UBE2V1: variants seen among roughly 807,000 people sequenced by gnomAD.
UBE2V1 encodes ubiquitin conjugating enzyme E2 V1.
A neutral mutation model predicts 19.6 loss-of-function variants in UBE2V1; 15 were observed. The ratio of observed to expected loss-of-function variants is 0.77; its 90% CI spans 0.51 to 1.18. The LOEUF is 1.18. UBE2V1 is among the 50% of genes most tolerant of loss of function. UBE2V1 has a pLI of 0.00. For synonymous variants in UBE2V1, 60 were observed against 60.7 expected (o/e 0.99, Z 0.05); for missense variants, 125 against 184.8 (o/e 0.68, Z 1.88).
upstream of UBE2V1, chr20:50,113,295 G>A: frequency 2.1e-6 from 1 of 469,326 alleles, no homozygotes; most frequent in Non-Finnish European, 3.4e-6. Context: ...CCCTTTTAGA[G>A]AAAGGAAATA....
At chr20:50,109,718 C>T (rs1173106713) in intron 1 of UBE2V1, among the ~76,000 whole-genome samples, 1 of 147,768 alleles carries the variant, frequency 6.8e-6, no homozygotes, top group Non-Finnish European at 1.5e-5. Context: ...CACTGCACTC[C>T]AGCCAGGTGA....
intron 2 of UBE2V1, among the ~76,000 whole-genome samples, chr20:50,094,224 AT>A (rs1341242401): frequency 7.2e-6 from 1 of 139,860 alleles, no homozygotes; most frequent in African/African-American, 2.7e-5. Context: ...TAACATATGC[AT>A]TATATAATAT....
At chr20:50,103,786 C>T (rs887956556) in intron 1 of UBE2V1, among the ~76,000 whole-genome samples, 1 of 152,050 alleles carries the variant, frequency 6.6e-6, no homozygotes, top group Non-Finnish European at 1.5e-5. Flanking sequence ...ACCCCGGTCC[C>T]GGTCCCAAAC....
Position 50,081,745 on chromosome 20 carries a change from C to T in UBE2V1, c.*1023G>A, listed in dbSNP as rs540060498. On this transcript the variant is annotated 3_prime_UTR_variant, in exon 4 of 4. Transcript: ENST00000371674. ...ATGTGTGCTTACAAGTATCTTCATG[C>T]GGTCTTTCTCCAAGTTCAACCACCA... The T allele has an allele frequency of 5.0e-5, 11 of 221,530 alleles. No homozygotes were observed. Among genetic ancestry groups the T allele is most frequent in the South Asian group, 1.7e-4 (1 of 5,798 alleles). 13.7% of individuals were successfully genotyped at this position (221,530 alleles called of 1,614,324 possible).
At chr20:50,084,524 T>G (rs560196406) in intron 2 of UBE2V1, 1 of 563,604 alleles carries the variant, frequency 1.8e-6, no homozygotes, top group African/African-American at 1.8e-5. Flanking sequence ...GAGGGACCTG[T>G]TTTTATGTTA....
intron 2 of UBE2V1, among the ~76,000 whole-genome samples, chr20:50,087,328 G>A (rs1458816124): frequency 1.3e-5 from 2 of 150,486 alleles, no homozygotes; most frequent in Non-Finnish European, 2.9e-5. Context: ...CCTGGGAGGT[G>A]GAAGTTGCAG....
chr20:50,111,270 C>G, intron 1 of UBE2V1: 1 of 986,454 alleles, frequency 1.0e-6, no homozygotes, highest in Non-Finnish European at 1.2e-6. Flanking sequence ...ATCACCATAG[C>G]CATTTATGAA....
chr20:50,114,067 A>C (rs75084165), upstream of UBE2V1, among the ~76,000 whole-genome samples: 2,528 of 152,314 alleles, frequency 0.017, 27 homozygotes, highest in Middle Eastern at 0.031. Context: ...GAGGAGGTAG[A>C]GGGAACAGCT....
At position 50,103,709 on chromosome 20, in the gene UBE2V1, CTA is replaced by C. The variant is rs146905872; in HGVS notation, c.23-6891_23-6890del. On this transcript the variant is annotated intron_variant, in intron 1 of 3. Transcript: ENST00000371674. Reference sequence around the variant, plus strand: ...GCATCAGCCATTGCACCCGGCCTGACTATAATAATTTTAAAAGCTATAAAGCT... The same window carrying C: ...GCATCAGCCATTGCACCCGGCCTGACTAATAATTTTAAAAGCTATAAAGCT... Among the ~76,000 whole-genome samples, 1,708 of 152,156 alleles carry C rather than the reference CTA, an allele frequency of 0.011. 101 individuals are homozygous for C. The East Asian group carries it at 0.14, about 13-fold the overall frequency.
intron 3 of UBE2V1, among the ~76,000 whole-genome samples, chr20:50,083,336 G>C (rs1301115895): frequency 6.6e-6 from 1 of 152,230 alleles, no homozygotes; most frequent in Non-Finnish European, 1.5e-5. Flanking sequence ...CCAGTGACAA[G>C]GGCCTGCCAC....
chr20:50,091,256 A>T (rs1241560854), intron 2 of UBE2V1, among the ~76,000 whole-genome samples: 1 of 152,014 alleles, frequency 6.6e-6, no homozygotes, highest in Non-Finnish European at 1.5e-5. Flanking sequence ...CATGTTGGCC[A>T]GGCTGGTCTC....
chr20:50,113,757 C>T (rs1383122556), upstream of UBE2V1, among the ~76,000 whole-genome samples: 5 of 143,190 alleles, frequency 3.5e-5, no homozygotes. Context: ...ATTTGCTAAC[C>T]ATCTACCCAA....
At chr20:50,108,432 G>C (rs569334042) in intron 1 of UBE2V1, among the ~76,000 whole-genome samples, 11 of 152,280 alleles carry the variant, frequency 7.2e-5, no homozygotes, top group African/African-American at 2.4e-4. Flanking sequence ...AGATGCTTGC[G>C]AGGCCTACCT....
chr20:50,112,957 C>G (rs1263932719), intron 1 of UBE2V1, 150 bp downstream of exon 1: 8 of 386,234 alleles, frequency 2.1e-5, no homozygotes, highest in Non-Finnish European at 3.6e-5. Context: ...TCCTCCTCCC[C>G]CGGTCAGGCC....
Position 50,088,801 on chromosome 20 carries a change from A to AAT in UBE2V1, c.172-4548_172-4547insAT, listed in dbSNP as rs11483866. ...ACCCTATCTCAAAAAAAAAAAAAAA[A>AAT]GTATGAGATATGAGAAAAGGAAAAA... On this transcript the variant is annotated intron_variant, in intron 2 of 3. Transcript: ENST00000371674. 1.7e-4 allele frequency among the ~76,000 whole-genome samples: 26 copies of AAT among 151,610 alleles called. 1 individual carries two copies. The highest frequency in any genetic ancestry group is 7.9e-4 in the Admixed American group (12 of 15,194).
chr20:50,094,027 ATAAT>A (rs1429345397), intron 2 of UBE2V1, among the ~76,000 whole-genome samples: 2,904 of 116,990 alleles, frequency 0.025, 53 homozygotes, highest in African/African-American at 0.041. Context: ...AATAATAATA[ATAAT>A]AAAATATATA....
In UBE2V1 at chr20:50,108,807, A is replaced by C. The variant is rs1020266046; in HGVS notation, c.22+4300T>G. On this transcript the variant is annotated intron_variant, in intron 1 of 3. Transcript: ENST00000371674. ...AAGAGCTTCCTGAAAAAAGGACCTC[A>C]CTCTCCTTGGACAGCACATAACCCA... Among the ~76,000 whole-genome samples, 4 of 152,140 alleles carry C rather than the reference A, an allele frequency of 2.6e-5. No homozygotes were observed. In the East Asian group the frequency reaches 7.7e-4, roughly 29 times the overall value.
intron 2 of UBE2V1, among the ~76,000 whole-genome samples, chr20:50,094,298 T>TTATATAATATATAATGCATTAGATA (rs59144352): frequency 1.2e-5 from 1 of 81,140 alleles, no homozygotes; most frequent in African/African-American, 6.2e-5. Flanking sequence ...AATATATAAT[T>TTATATAATATATAATGCATTAGATA]ATATATAATA....
At chr20:50,089,846 TA>T (rs941290534) in intron 2 of UBE2V1, among the ~76,000 whole-genome samples, 5 of 152,122 alleles carry the variant, frequency 3.3e-5, no homozygotes, top group Admixed American at 3.3e-4. Context: ...TAATAGAAAA[TA>T]AAAAGTAGGA....
Sources: allele counts gnomAD v4.1 joint callset (sites outside exome capture counted in the v4.1 genomes callset), GRCh38; gene constraint gnomAD v4.1.1; transcripts MANE v1.5; gene names NCBI Gene and HGNC (gene_info 2026-07-23, HGNC 2026-07-21).